The following FBXO11 variants were observed in gnomAD, a reference collection of about 807,000 sequenced individuals.
The protein encoded by FBXO11 is F-box only protein 11.
Under a neutral mutation model 117.0 loss-of-function variants are expected in FBXO11, and 13 were observed. That is an observed-to-expected ratio of 0.11 (90% CI 0.07 to 0.18). The LOEUF (loss-of-function observed/expected upper bound fraction) is 0.18, where lower values mean the gene tolerates loss of function less well. FBXO11 is among the 10% of genes least tolerant of loss of function. The probability of loss-of-function intolerance (pLI) is 1.00; values close to 1 mark genes in which losing one functional copy is unlikely to be tolerated. For synonymous variants in FBXO11, 490 were observed against 380.5 expected, an observed-to-expected ratio of 1.29 and a Z score of -3.35; for missense variants, 767 against 1,164.4, an observed-to-expected ratio of 0.66 and a Z score of 4.97.
chr2:47,877,043 T>G (rs926295456), intron 1 of FBXO11, among the ~76,000 whole-genome samples: 13 of 120,458 alleles, frequency 1.1e-4, no homozygotes, highest in Admixed American at 2.4e-4. Flanking sequence ...TAATACAGGG[T>G]TTTTTTTTTT....
At chr2:47,821,255 C>T (rs1671356881) in intron 13 of FBXO11, among the ~76,000 whole-genome samples, 1 of 151,596 alleles carries the variant, frequency 6.6e-6, no homozygotes, top group Admixed American at 6.6e-5. Context: ...AAACAGGCAG[C>T]TCACTTGAGG....
chr2:47,818,608 G>C (rs972041075), intron 16 of FBXO11, 171 bp downstream of exon 16: 1 of 602,070 alleles, frequency 1.7e-6, no homozygotes, highest in African/African-American at 1.9e-5. Flanking sequence ...TCCTCACCTA[G>C]ACCAAGGAAA....
chr2:47,836,649 G>T (rs977135558), intron 4 of FBXO11, among the ~76,000 whole-genome samples: 81 of 151,786 alleles, frequency 5.3e-4, no homozygotes, highest in Non-Finnish European at 8.4e-4. Flanking sequence ...TTTTCACAAT[G>T]TAACTGCGTA....
intron 11 of FBXO11, among the ~76,000 whole-genome samples, chr2:47,827,698 T>A (rs1034870932): frequency 4.6e-5 from 7 of 151,528 alleles, no homozygotes; most frequent in African/African-American, 1.7e-4. Context: ...TGTAAGAAAT[T>A]AGATTTTTTT....
intron 1 of FBXO11, among the ~76,000 whole-genome samples, chr2:47,890,168 A>G (rs1351999336): frequency 1.3e-5 from 2 of 152,020 alleles, no homozygotes; most frequent in Non-Finnish European, 2.9e-5. Flanking sequence ...GGGTCTCAGT[A>G]TGTTGGTAGG....
intron 1 of FBXO11, among the ~76,000 whole-genome samples, chr2:47,872,336 G>C (rs1241954652): frequency 6.6e-6 from 1 of 152,164 alleles, no homozygotes; most frequent in African/African-American, 2.4e-5. Context: ...TGTATAATTT[G>C]TGTGCGTGAG....
chr2:47,894,899 G>A (rs1677543575), intron 1 of FBXO11, among the ~76,000 whole-genome samples: 1 of 152,046 alleles, frequency 6.6e-6, no homozygotes. Context: ...TCTGTTTTTT[G>A]TGGAAAAGGT....
chr2:47,895,818 G>T (rs142475888), intron 1 of FBXO11, among the ~76,000 whole-genome samples: 1 of 151,622 alleles, frequency 6.6e-6, no homozygotes, highest in Non-Finnish European at 1.5e-5. Flanking sequence ...TCAGCCTCCC[G>T]AGTAGCTGGG....
At chr2:47,812,871 C>T in intron 18 of FBXO11, 1 of 254,934 alleles carries the variant, frequency 3.9e-6, no homozygotes, top group Non-Finnish European at 7.7e-6. Flanking sequence ...TACCCGTTTA[C>T]TAAAGACATT....
intron 5 of FBXO11, 94 bp downstream of exon 5, chr2:47,835,778 G>T: frequency 3.1e-6 from 3 of 971,702 alleles, no homozygotes; most frequent in South Asian, 3.7e-5. Context: ...GATTACAGGT[G>T]TGAGCCACCA....
chr2:47,886,631 T>A (rs560509507), intron 1 of FBXO11, among the ~76,000 whole-genome samples: 1 of 152,318 alleles, frequency 6.6e-6, no homozygotes, highest in East Asian at 1.9e-4. Context: ...GATAAATATT[T>A]AATACATTGT....
intron 12 of FBXO11, 76 bp downstream of exon 12, chr2:47,823,067 T>TAA: frequency 9.4e-7 from 1 of 1,064,414 alleles, no homozygotes; most frequent in South Asian, 1.7e-5. Flanking sequence ...TTTCAAGAGT[T>TAA]AAAGCTCAAT....
intron 1 of FBXO11, among the ~76,000 whole-genome samples, chr2:47,856,250 A>G (rs182979456): frequency 5.9e-5 from 9 of 152,370 alleles, no homozygotes; most frequent in Middle Eastern, 6.8e-3. Context: ...GATAGATTAA[A>G]TAGATTTCCA....
intron 1 of FBXO11, among the ~76,000 whole-genome samples, chr2:47,863,737 T>C (rs1674971014): frequency 6.6e-6 from 1 of 152,122 alleles, no homozygotes; most frequent in African/African-American, 2.4e-5. Context: ...AGTCAGGAGT[T>C]TGAGACCAGC....
chr2:47,904,061 C>T (rs1678541108), intron 1 of FBXO11, among the ~76,000 whole-genome samples: 1 of 152,148 alleles, frequency 6.6e-6, no homozygotes, highest in Admixed American at 6.6e-5. Context: ...TGGTGAAAGC[C>T]TTTTAAACTA....
intron 1 of FBXO11, among the ~76,000 whole-genome samples, chr2:47,876,550 T>C (rs1349143627): frequency 1.3e-5 from 2 of 152,206 alleles, no homozygotes; most frequent in Non-Finnish European, 2.9e-5. Flanking sequence ...GTTATATTCC[T>C]TATACATTCG....
intron 1 of FBXO11, among the ~76,000 whole-genome samples, chr2:47,881,431 C>G (rs551549485): frequency 8.5e-5 from 13 of 152,202 alleles, no homozygotes; most frequent in South Asian, 4.1e-4. Context: ...ATTTCTATCT[C>G]TTTAGACAAT....
chr2:47,819,346 G>C (rs1261261705), intron 14 of FBXO11, among the ~76,000 whole-genome samples: 1 of 152,116 alleles, frequency 6.6e-6, no homozygotes, highest in Non-Finnish European at 1.5e-5. Flanking sequence ...TTCCCAAGTA[G>C]CTAGGATTAC....
chr2:47,894,863 T>C (rs1677539680), intron 1 of FBXO11, among the ~76,000 whole-genome samples: 1 of 151,876 alleles, frequency 6.6e-6, no homozygotes, highest in Admixed American at 6.6e-5. Flanking sequence ...AATGTGAAAA[T>C]GGGAAAGAAC....
Sources: gnomAD v4.1 joint callset for allele counts (sites outside exome capture counted in the v4.1 genomes callset) on GRCh38, gnomAD v4.1.1 for gene constraint, MANE v1.5 for transcripts, NCBI Gene and HGNC (gene_info 2026-07-23, HGNC 2026-07-21) for gene names.